Variants in PLEKHG3 observed in about 807,000 individuals in gnomAD.
The protein encoded by PLEKHG3 is pleckstrin homology domain-containing family G member 3.
PLEKHG3 carries 62 observed loss-of-function variants against 94.9 expected under a neutral mutation model. That is an observed-to-expected ratio of 0.65 (90% CI 0.53 to 0.81). The LOEUF is 0.81. Ranked by LOEUF, PLEKHG3 falls within the 30% of genes least tolerant of loss-of-function variation. The probability of loss-of-function intolerance (pLI) is 0.00; values close to 1 mark genes in which losing one functional copy is unlikely to be tolerated. For missense variants in PLEKHG3, 1,461 were observed against 1,619.3 expected, an observed-to-expected ratio of 0.90 and a Z score of 1.68; for synonymous variants, 614 against 654.0, an observed-to-expected ratio of 0.94 and a Z score of 0.93.
In PLEKHG3 at chr14:64,726,652, A is replaced by T. The variant is rs560438477; in HGVS notation, c.-39-941A>T. On this transcript the variant is annotated intron_variant, in intron 1 of 16. Coordinates refer to ENST00000247226, the MANE Select transcript of PLEKHG3 (RefSeq NM_001308147.2). The surrounding 1 kb of genome is among the most constrained non-coding windows in gnomAD (Gnocchi z 5.1). ...TGTTTGCCTCACCTGGGTGCAGTTT[A>T]CTGCTTTCTCTGCTGCCCCCGCCCA... Among the ~76,000 whole-genome samples the T allele has an allele frequency of 6.6e-6, 1 of 152,154 alleles. No individual in the cohort carries two copies. The highest frequency in any genetic ancestry group is 2.1e-4 in the South Asian group (1 of 4,828).
Position 64,732,122 on chromosome 14 carries a change from T to TG in PLEKHG3, c.1155dup (p.Thr386AspfsTer51), listed in dbSNP as rs2081479656. The TG allele has an allele frequency of 1.2e-6, 2 of 1,613,934 alleles. No individual in the cohort carries two copies. On this transcript the variant is annotated frameshift_variant, in exon 10 of 17. Coordinates refer to ENST00000247226, the MANE Select transcript of PLEKHG3 (RefSeq NM_001308147.2). LOFTEE classifies it high-confidence loss of function. The surrounding 1 kb of genome is among the most constrained non-coding windows in gnomAD (Gnocchi z 4.9). ...CAAGACAGTGGAGGAGAAACGGAAC[T>TG]GGACTCACCACATCAAGAGGCTCAT...
chr14:64,705,537 C>T (rs544176951), intron 1 of PLEKHG3, among the ~76,000 whole-genome samples: 1 of 152,144 alleles, frequency 6.6e-6, no homozygotes, highest in Non-Finnish European at 1.5e-5. Context: ...AGGTGCCTGT[C>T]CCCTGCTCTG....
In PLEKHG3 at chr14:64,716,481, A is replaced by AAC. The variant is rs1179915875; in HGVS notation, c.-39-11098_-39-11097dup. Among the ~76,000 whole-genome samples the AAC allele has an allele frequency of 9.4e-5, 11 of 116,408 alleles. No homozygotes were observed. Among genetic ancestry groups the AAC allele is most frequent in the East Asian group, 7.7e-4 (3 of 3,876 alleles). The allele number at this position is 116,408 out of a possible 152,430, so 76.4% of individuals were successfully genotyped here. ...ACACACACACAACACACACACACAC[A>AAC]ACACACACACACACAACACACACAC... On this transcript the variant is annotated intron_variant, in intron 1 of 16. Transcript: ENST00000247226. This position sits in a 1 kb window ranked among gnomAD's most constrained non-coding sequence, Gnocchi z 5.0.
At chr14:64,737,289 G>A in intron 13 of PLEKHG3, 67 bp from the exon 14 acceptor site, 1 of 1,266,460 alleles carries the variant, frequency 7.9e-7, no homozygotes, top group Non-Finnish European at 1.1e-6. Context: ...CCTGCTTACT[G>A]ATCTCTTCCC....
chr14:64,737,130 A>T, intron 13 of PLEKHG3: 1 of 644,006 alleles, frequency 1.6e-6, no homozygotes, highest in Non-Finnish European at 2.8e-6. Flanking sequence ...ATGAGAGCCG[A>T]GCAACAGGCA....
chr14:64,709,390 G>A lies in PLEKHG3; in HGVS notation c.-40+4686G>A, dbSNP rs145512481. Among the ~76,000 whole-genome samples, 495 of 152,312 alleles carry A rather than the reference G, an allele frequency of 3.2e-3. 2 individuals carry two copies. Among genetic ancestry groups the A allele is most frequent in the African/African-American group, 0.011 (477 of 41,554 alleles). ...GAAGAGGGCTTTATACAGTTCTGGC[G>A]GCTGGCCTTTGGGGAGGGAGCCCTA... On this transcript the variant is annotated intron_variant, in intron 1 of 16. Transcript: ENST00000247226.
chr14:64,738,170 C>A lies in PLEKHG3; in HGVS notation c.1405-572C>A. 7.7e-7 allele frequency: 1 copy of A among 1,292,384 alleles called. No homozygotes were observed. The highest frequency in any genetic ancestry group is 1.0e-6 in the Non-Finnish European group (1 of 990,762). 80.1% of individuals were successfully genotyped at this position (1,292,384 alleles called of 1,614,324 possible). A position where few individuals can be genotyped will look rare whatever the true frequency, so the allele number is the denominator to read the frequency against. On this transcript the variant is annotated intron_variant, in intron 14 of 16. Transcript: ENST00000247226. The surrounding 1 kb of genome is among the most constrained non-coding windows in gnomAD (Gnocchi z 4.8). ...ACTTTGCCAGCTCCCTGCTGGCCGC[C>A]CTCCACTGCTGGCACTATCGGGCCA...
In PLEKHG3 at chr14:64,731,562, A is replaced by T. The variant is rs759734142; in HGVS notation, c.1032+19A>T. On this transcript the variant is annotated intron_variant, in intron 8 of 16. Coordinates refer to ENST00000247226, the MANE Select transcript of PLEKHG3 (RefSeq NM_001308147.2). This position sits in a 1 kb window ranked among gnomAD's most constrained non-coding sequence, Gnocchi z 6.1. ...CATCCCGGTAACCAGGCCCTGCCCC[A>T]TCTCCTCTGCCATCTTCTCTCCTTC... The T allele has an allele frequency of 4.3e-6, 7 of 1,610,564 alleles. No individual in the cohort carries two copies. The highest frequency in any genetic ancestry group is 5.9e-6 in the Non-Finnish European group (7 of 1,177,380).
rs557875800 is a variant in PLEKHG3 at position 64,740,886 on chromosome 14, T to G, written c.1519-150T>G. 91 of 626,142 alleles carry G rather than the reference T, an allele frequency of 1.5e-4. 1 individual carries two copies. In the South Asian group the frequency reaches 1.5e-3, roughly 10 times the overall value. 38.8% of individuals were successfully genotyped at this position (626,142 alleles called of 1,614,324 possible). A position where few individuals can be genotyped will look rare whatever the true frequency, so the allele number is the denominator to read the frequency against. ...CATGTTCCTCTAAGGACCCATCACCTACTCCTAAGTCGTGCTCATTCTGAT... is the reference window on the plus strand; with the variant it reads ...CATGTTCCTCTAAGGACCCATCACCGACTCCTAAGTCGTGCTCATTCTGAT... On this transcript the variant is annotated intron_variant, in intron 15 of 16. Transcript: ENST00000247226.
intron 12 of PLEKHG3, among the ~76,000 whole-genome samples, chr14:64,735,313 T>G (rs1255883456): frequency 2.0e-5 from 3 of 152,146 alleles, no homozygotes; most frequent in Non-Finnish European, 4.4e-5. Flanking sequence ...TCCTGTCTGT[T>G]AGAAAGCGAT....
At position 64,726,892 on chromosome 14, in the gene PLEKHG3, A is replaced by ATTAC. The variant is rs1465332424; in HGVS notation, c.-39-700_-39-697dup. Among the ~76,000 whole-genome samples, 3 of 152,130 alleles carry ATTAC rather than the reference A, an allele frequency of 2.0e-5. No homozygotes were observed. Among genetic ancestry groups the ATTAC allele is most frequent in the Non-Finnish European group, 4.4e-5 (3 of 68,028 alleles). On this transcript the variant is annotated intron_variant, in intron 1 of 16. Transcript: ENST00000247226. The surrounding 1 kb of genome is among the most constrained non-coding windows in gnomAD (Gnocchi z 5.1). ...GAGGTTTTGCAGTCTTAGGGAGAAT[A>ATTAC]TTACCCCTGTTATGTGTCTTGTCTT...
rs535860007 is a variant in PLEKHG3, at chr14:64,718,602, A to C, written c.-39-8991A>C. ...TCAAATCAGAGAGAGATTGAGGCAC[A>C]AAGAGCCCGCTGACTTGCTCCTGAT... On this transcript the variant is annotated intron_variant, in intron 1 of 16. Coordinates refer to ENST00000247226, the MANE Select transcript of PLEKHG3 (RefSeq NM_001308147.2). The surrounding 1 kb of genome is among the most constrained non-coding windows in gnomAD (Gnocchi z 5.0). 2.6e-5 allele frequency among the ~76,000 whole-genome samples: 4 copies of C among 152,214 alleles called. No homozygotes were observed. Among genetic ancestry groups the C allele is most frequent in the Non-Finnish European group, 5.9e-5 (4 of 68,038 alleles).
chr14:64,730,113 A>G lies in PLEKHG3; in HGVS notation c.450-130A>G, dbSNP rs2081430517. Reference sequence around the variant, plus strand: ...CTGGGGCAGGACTCCCTCTGAGGCTAGAAGCCCCAGTTCTTTAGCAAAGCA... The same window carrying G: ...CTGGGGCAGGACTCCCTCTGAGGCTGGAAGCCCCAGTTCTTTAGCAAAGCA... On this transcript the variant is annotated intron_variant, in intron 3 of 16. Transcript: ENST00000247226. The surrounding 1 kb of genome is among the most constrained non-coding windows in gnomAD (Gnocchi z 5.4). The G allele has an allele frequency of 1.6e-6, 1 of 608,582 alleles. No homozygotes were observed. The highest frequency in any genetic ancestry group is 2.9e-6 in the Non-Finnish European group (1 of 339,674). 37.7% of individuals were successfully genotyped at this position (608,582 alleles called of 1,614,324 possible). A position where few individuals can be genotyped will look rare whatever the true frequency, so the allele number is the denominator to read the frequency against.
At chr14:64,736,974 G>A (rs925898311) in intron 13 of PLEKHG3, 83 bp downstream of exon 13, 6 of 1,005,188 alleles carry the variant, frequency 6.0e-6, no homozygotes, top group Non-Finnish European at 9.6e-6. Context: ...CCTGGGGTGT[G>A]ACCTGAGGGT....
At position 64,741,817 on chromosome 14, in the gene PLEKHG3, C is replaced by T. The variant is rs747147436; in HGVS notation, c.2300C>T (p.Pro767Leu). The change falls in exon 16 of 17, where the codon CCA becomes CTA. Residue 767 changes from proline to leucine, a missense_variant. By Grantham distance (98) the Pro-to-Leu change is moderately conservative. Transcript: ENST00000247226. ...FNSLPRPDPE[P>L]VPPVGSKRQV... is the part of the protein sequence containing the mutation. ...AGCCTTCCCCGGCCAGACCCAGAGCCAGTACCTCCAGTGGGGAGCAAGAGA... is the reference window on the plus strand; with the variant it reads ...AGCCTTCCCCGGCCAGACCCAGAGCTAGTACCTCCAGTGGGGAGCAAGAGA... The T allele has an allele frequency of 3.1e-6, 5 of 1,613,648 alleles. No individual in the cohort carries two copies. The highest frequency in any genetic ancestry group is 4.2e-6 in the Non-Finnish European group (5 of 1,180,034).
rs370222135 is a variant in PLEKHG3, at chr14:64,717,365, G to A, written c.-39-10228G>A. On this transcript the variant is annotated intron_variant, in intron 1 of 16. Transcript: ENST00000247226. This position sits in a 1 kb window ranked among gnomAD's most constrained non-coding sequence, Gnocchi z 4.7. ...GGATGCTCATGCTTGGAATTGGGAA[G>A]GGAGTTGTGTTTTAGGGAATTGCCC... Among the ~76,000 whole-genome samples the A allele has an allele frequency of 6.6e-5, 10 of 152,298 alleles. 1 individual carries two copies. Among genetic ancestry groups the A allele is most frequent in the Admixed American group, 5.9e-4 (9 of 15,302 alleles).
At position 64,732,280 on chromosome 14, in the gene PLEKHG3, C is replaced by T. The variant is rs2081482788; in HGVS notation, c.1212+99C>T. ...GGGCTCACCTTCTGGATTTGGGCTC[C>T]AGTGGACAGTGAGTGTCAGTACAGC... On this transcript the variant is annotated intron_variant, in intron 10 of 16. Transcript: ENST00000247226. This position sits in a 1 kb window ranked among gnomAD's most constrained non-coding sequence, Gnocchi z 4.9. 7.1e-6 allele frequency: 9 copies of T among 1,273,228 alleles called. No homozygotes were observed. Among genetic ancestry groups the T allele is most frequent in the Non-Finnish European group, 9.2e-6 (8 of 871,746 alleles). 78.9% of individuals were successfully genotyped at this position (1,273,228 alleles called of 1,614,324 possible).
Position 64,743,851 on chromosome 14 carries a change from TC to T in PLEKHG3, c.*151del, listed in dbSNP as rs1425238516. ...CCCCTCCGCCCTTCAGGAAGGATGC[TC>T]CCGTGTGCAGGGGTCTCCTGCCTGT... On this transcript the variant is annotated 3_prime_UTR_variant, in exon 17 of 17. Coordinates refer to ENST00000247226, the MANE Select transcript of PLEKHG3 (RefSeq NM_001308147.2). The surrounding 1 kb of genome is among the most constrained non-coding windows in gnomAD (Gnocchi z 7.2). 24 of 838,554 alleles carry T rather than the reference TC, an allele frequency of 2.9e-5. No homozygotes were observed. Among genetic ancestry groups the T allele is most frequent in the Middle Eastern group, 6.7e-4 (2 of 2,982 alleles). 51.9% of individuals were successfully genotyped at this position (838,554 alleles called of 1,614,324 possible).
At position 64,728,876 on chromosome 14, in the gene PLEKHG3, C is replaced by T. The variant is rs558741067; in HGVS notation, c.352-120C>T. ...ACATGAATTTTGGGGTGGACACTGT[C>T]TCACAGTAGGCAATGTCCGTGAAGT... On this transcript the variant is annotated intron_variant, in intron 2 of 16. Coordinates refer to ENST00000247226, the MANE Select transcript of PLEKHG3 (RefSeq NM_001308147.2). The surrounding 1 kb of genome is among the most constrained non-coding windows in gnomAD (Gnocchi z 5.9). The T allele has an allele frequency of 4.1e-5, 22 of 534,114 alleles. No homozygotes were observed. Among genetic ancestry groups the T allele is most frequent in the African/African-American group, 3.5e-4 (18 of 51,640 alleles). The allele number at this position is 534,114 out of a possible 1,614,324, so 33.1% of individuals were successfully genotyped here. A position where few individuals can be genotyped will look rare whatever the true frequency, so the allele number is the denominator to read the frequency against.
Sources: gnomAD v4.1 joint callset for allele counts (sites outside exome capture counted in the v4.1 genomes callset) on GRCh38, gnomAD v4.1.1 for gene constraint, Gnocchi (gnomAD v3.1) non-coding constraint, MANE v1.5 for transcripts, NCBI Gene and HGNC (gene_info 2026-07-23, HGNC 2026-07-21) for gene names.